Variants in CAMKMT observed in about 807,000 individuals in gnomAD.
CAMKMT encodes the protein CaM KMT.
In CAMKMT, 53 loss-of-function variants were observed where a neutral mutation model predicts 48.0. The observed-to-expected ratio is 1.10, with a 90% CI of 0.89 to 1.39. The LOEUF (loss-of-function observed/expected upper bound fraction) is 1.39. CAMKMT is among the 40% of genes most tolerant of loss of function. The pLI is 0.00. For missense variants in CAMKMT, 428 were observed against 402.7 expected, an observed-to-expected ratio of 1.06 and a Z score of -0.54; for synonymous variants, 165 against 152.3, an observed-to-expected ratio of 1.08 and a Z score of -0.61.
intron 3 of CAMKMT, among the ~76,000 whole-genome samples, chr2:44,663,458 T>G (rs980555955): frequency 4.6e-5 from 7 of 152,252 alleles, no homozygotes. Flanking sequence ...CTTCCCCTTC[T>G]GTGAAATCTT....
At chr2:44,427,900 C>G (rs897967443) in intron 3 of CAMKMT, among the ~76,000 whole-genome samples, 1 of 152,158 alleles carries the variant, frequency 6.6e-6, no homozygotes, top group African/African-American at 2.4e-5. Flanking sequence ...CGTGCCCAAA[C>G]CCCTTGTGGG....
intron 3 of CAMKMT, among the ~76,000 whole-genome samples, chr2:44,564,321 C>T (rs527686987): frequency 2.0e-5 from 3 of 150,882 alleles, no homozygotes; most frequent in Non-Finnish European, 4.4e-5. Context: ...ATTACAGGAG[C>T]GCGCCACTAT....
At chr2:44,614,058 G>A (rs2103906112) in intron 3 of CAMKMT, among the ~76,000 whole-genome samples, 1 of 152,248 alleles carries the variant, frequency 6.6e-6, no homozygotes, top group African/African-American at 2.4e-5. Flanking sequence ...TTTGTTTCCA[G>A]AAAACCTATA....
At chr2:44,487,489 T>C (rs764826582) in intron 3 of CAMKMT, among the ~76,000 whole-genome samples, 1 of 152,230 alleles carries the variant, frequency 6.6e-6, no homozygotes. Flanking sequence ...ATGCTTTCTG[T>C]CAAATTAACA....
At chr2:44,598,681 C>A in intron 3 of CAMKMT, among the ~76,000 whole-genome samples, 1 of 36,406 alleles carries the variant, frequency 2.7e-5, no homozygotes, top group African/African-American at 1.0e-4. Flanking sequence ...TAATTTGCAG[C>A]AAGCTTAGGA....
intron 3 of CAMKMT, among the ~76,000 whole-genome samples, chr2:44,581,255 A>G (rs1341453445): frequency 6.6e-6 from 1 of 152,206 alleles, no homozygotes; most frequent in Admixed American, 6.5e-5. Flanking sequence ...TGAAACCTTT[A>G]TGTATATAGC....
chr2:44,684,634 A>G (rs1323481938), intron 3 of CAMKMT, among the ~76,000 whole-genome samples: 1 of 152,188 alleles, frequency 6.6e-6, no homozygotes, highest in Non-Finnish European at 1.5e-5. Flanking sequence ...AGCACCCATG[A>G]CATGGTCTCT....
chr2:44,489,798 A>G (rs1263518027), intron 3 of CAMKMT, among the ~76,000 whole-genome samples: 1 of 152,222 alleles, frequency 6.6e-6, no homozygotes, highest in African/African-American at 2.4e-5. Context: ...TGAAATTAAA[A>G]AAACACTTTC....
At chr2:44,662,745 G>A (rs914066751) in intron 3 of CAMKMT, among the ~76,000 whole-genome samples, 5 of 151,978 alleles carry the variant, frequency 3.3e-5, no homozygotes, top group Non-Finnish European at 7.4e-5. Flanking sequence ...TAATTTTTTT[G>A]TAGAGATGGG....
At chr2:44,665,922 T>C (rs1674940317) in intron 3 of CAMKMT, among the ~76,000 whole-genome samples, 1 of 152,220 alleles carries the variant, frequency 6.6e-6, no homozygotes, top group East Asian at 1.9e-4. Flanking sequence ...AGTGGTTCTA[T>C]TTTGTCCTTT....
intron 8 of CAMKMT, among the ~76,000 whole-genome samples, chr2:44,751,298 T>C (rs1336092808): frequency 6.6e-6 from 1 of 152,158 alleles, no homozygotes; most frequent in African/African-American, 2.4e-5. Context: ...TCAGGAGTAA[T>C]TACAATTAGA....
chr2:44,714,624 C>T (rs1678069616), intron 6 of CAMKMT, among the ~76,000 whole-genome samples: 1 of 152,170 alleles, frequency 6.6e-6, no homozygotes, highest in African/African-American at 2.4e-5. Context: ...ATTGGAAATA[C>T]TTCACACTGG....
chr2:44,416,494 A>G (rs1281527586), intron 3 of CAMKMT, among the ~76,000 whole-genome samples: 1 of 150,664 alleles, frequency 6.6e-6, no homozygotes, highest in Non-Finnish European at 1.5e-5. Flanking sequence ...ATTAGATTAA[A>G]CTCTTCTCGT....
intron 3 of CAMKMT, among the ~76,000 whole-genome samples, chr2:44,694,716 T>C (rs528622142): frequency 1.5e-4 from 23 of 152,354 alleles, no homozygotes; most frequent in African/African-American, 5.3e-4. Flanking sequence ...ATAGGCTTTC[T>C]AAAGTCTGAC....
intron 3 of CAMKMT, among the ~76,000 whole-genome samples, chr2:44,641,552 TTA>T (rs3083472): frequency 0.6 from 89,733 of 148,678 alleles, 27,788 homozygotes; most frequent in Middle Eastern, 0.69. Flanking sequence ...TTATGATATT[TTA>T]TATATATATA....
At chr2:44,471,163 G>T (rs1329344581) in intron 3 of CAMKMT, among the ~76,000 whole-genome samples, 1 of 151,694 alleles carries the variant, frequency 6.6e-6, no homozygotes, top group African/African-American at 2.4e-5. Flanking sequence ...CCTAAGTTTT[G>T]TATTTTTAGT....
At chr2:44,666,190 T>G (rs1333515219) in intron 3 of CAMKMT, among the ~76,000 whole-genome samples, 1 of 152,114 alleles carries the variant, frequency 6.6e-6, no homozygotes, top group Non-Finnish European at 1.5e-5. Context: ...AAATGAAATG[T>G]GAGGGAAAAA....
intron 3 of CAMKMT, among the ~76,000 whole-genome samples, chr2:44,514,679 G>T (rs1303435446): frequency 2.6e-5 from 4 of 152,202 alleles, no homozygotes; most frequent in Non-Finnish European, 5.9e-5. Flanking sequence ...TCTGTTTCCA[G>T]CTCCTAGACT....
chr2:44,699,874 C>G (rs1239665137), intron 3 of CAMKMT, among the ~76,000 whole-genome samples: 1 of 152,198 alleles, frequency 6.6e-6, no homozygotes, highest in Admixed American at 6.5e-5. Flanking sequence ...AGAGACTCAG[C>G]CTGTCCTTTG....
Sources: allele counts gnomAD v4.1 joint callset (sites outside exome capture counted in the v4.1 genomes callset), GRCh38; gene constraint gnomAD v4.1.1; transcripts MANE v1.5; gene names NCBI Gene and HGNC (gene_info 2026-07-23, HGNC 2026-07-21).